Variants in HMSD observed in about 807,000 individuals in gnomAD.
HMSD encodes serpin-like protein HMSD.
A neutral mutation model predicts 10.0 loss-of-function variants in HMSD; 13 were observed. The ratio of observed to expected loss-of-function variants is 1.31; its 90% CI spans 0.85 to 2.08. The LOEUF (loss-of-function observed/expected upper bound fraction) is 2.08, where lower values mean the gene tolerates loss of function less well. Ranked by LOEUF, HMSD falls within the 30% of genes most tolerant of loss-of-function variation. The probability of loss-of-function intolerance (pLI) is 0.00; values close to 1 mark genes in which losing one functional copy is unlikely to be tolerated. For synonymous variants in HMSD, 51 were observed against 54.2 expected (o/e 0.94, Z 0.26); for missense variants, 169 against 166.3 (o/e 1.02, Z -0.09).
At chr18:63,955,400 C>G (rs535472757) in intron 3 of HMSD, among the ~76,000 whole-genome samples, 1 of 152,190 alleles carries the variant, frequency 6.6e-6, no homozygotes, top group East Asian at 1.9e-4. Flanking sequence ...TACTCTGGCC[C>G]ATTACAGACA....
chr18:63,963,465 G>A (rs1052705188), downstream of HMSD, among the ~76,000 whole-genome samples: 4 of 151,934 alleles, frequency 2.6e-5, no homozygotes, highest in South Asian at 2.1e-4. Flanking sequence ...TCCTGTCCTC[G>A]TGATCCACCA....
chr18:63,953,439 A>C lies in HMSD; in HGVS notation c.-17A>C. 1 of 1,610,148 alleles carries C rather than the reference A, an allele frequency of 6.2e-7. No homozygotes were observed. The highest frequency in any genetic ancestry group is 2.2e-5 in the East Asian group (1 of 44,846). Reference sequence around the variant, plus strand: ...AAAGCTAGGGGAAAACAACTCAAACAACTTATTTTTTTCCCCATGAGCATA... The same window carrying C: ...AAAGCTAGGGGAAAACAACTCAAACCACTTATTTTTTTCCCCATGAGCATA... On this transcript the variant is annotated 5_prime_UTR_variant, in exon 2 of 4. Coordinates refer to ENST00000408945, the MANE Select transcript of HMSD (RefSeq NM_001123366.2).
chr18:63,953,306 A>G, intron 1 of HMSD, 48 bp from the exon 2 acceptor site: 1 of 604,098 alleles, frequency 1.7e-6, no homozygotes, highest in South Asian at 1.9e-5. Flanking sequence ...GTAAATACAC[A>G]TGTAAGCCTA....
chr18:63,956,362 AC>A (rs370771707), intron 3 of HMSD, among the ~76,000 whole-genome samples: 23,828 of 146,194 alleles, frequency 0.16, 2,266 homozygotes, highest in Non-Finnish European at 0.22. Context: ...TAAAAAAAAA[AC>A]AAACTTAAAT....
At chr18:63,953,650 T>C (rs1026021132) in intron 2 of HMSD, 123 bp downstream of exon 2, 17 of 787,176 alleles carry the variant, frequency 2.2e-5, no homozygotes, top group Non-Finnish European at 3.4e-5. Flanking sequence ...TCTCACAGGA[T>C]GTGGATGGAG....
At chr18:63,963,071 CTCTTTCTT>C (rs58573319), downstream of HMSD, among the ~76,000 whole-genome samples, 19,630 of 102,810 alleles carry the variant, frequency 0.19, 2,047 homozygotes, top group South Asian at 0.23. Context: ...TCTTTTCTTT[CTCTTTCTT>C]TCTTTCTTTC....
chr18:63,954,463 A>T lies in HMSD; in HGVS notation c.128A>T (p.Gln43Leu), dbSNP rs891964366. 6.2e-7 allele frequency: 1 copy of T among 1,613,498 alleles called. No individual in the cohort carries two copies. Residue 43 changes from glutamine to leucine, a missense_variant, in exon 3 of 4, where the codon CAG becomes CTG. Coordinates refer to ENST00000408945, the MANE Select transcript of HMSD (RefSeq NM_001123366.2). ...GATGGAGATATTCATCGAGGTTTTC[A>T]GTCACTTCTTGTTGCAATTAACAGA... ...GEDGDIHRGF[Q>L]SLLVAINRTD...
At chr18:63,952,263 T>C (rs185658854) in intron 1 of HMSD, among the ~76,000 whole-genome samples, 1 of 149,784 alleles carries the variant, frequency 6.7e-6, no homozygotes, top group East Asian at 1.9e-4. Flanking sequence ...TGTGCACATG[T>C]ACCCTAAAAC....
At chr18:63,965,579 T>C (rs1433550673), downstream of HMSD, among the ~76,000 whole-genome samples, 1 of 152,198 alleles carries the variant, frequency 6.6e-6, no homozygotes, top group Non-Finnish European at 1.5e-5. Flanking sequence ...ATACCAGGCA[T>C]ATTAATGTAA....
At position 63,953,206 on chromosome 18, in the gene HMSD, T is replaced by TA. The variant is rs1250634907; in HGVS notation, c.-102-146dup. On this transcript the variant is annotated intron_variant, in intron 1 of 3. Coordinates refer to ENST00000408945, the MANE Select transcript of HMSD (RefSeq NM_001123366.2). ...CTTGTATGGATTAAATGACATCTTG[T>TA]AAGAAAAGCCCTAGTGTAGTTTTTG... 5 of 407,964 alleles carry TA rather than the reference T, an allele frequency of 1.2e-5. No individual in the cohort carries two copies. In the Admixed American group the frequency reaches 1.4e-4, roughly 11 times the overall value. The allele number at this position is 407,964 out of a possible 1,614,324, so 25.3% of individuals were successfully genotyped here.
chr18:63,963,109 CTTT>C (rs1568261361), downstream of HMSD, among the ~76,000 whole-genome samples: 2 of 132,902 alleles, frequency 1.5e-5, no homozygotes, highest in South Asian at 2.2e-4. Flanking sequence ...TTCTTTCTTT[CTTT>C]CTTTCTTTCT....
chr18:63,963,535 G>C (rs1450873982), downstream of HMSD, among the ~76,000 whole-genome samples: 1 of 152,156 alleles, frequency 6.6e-6, no homozygotes, highest in African/African-American at 2.4e-5. Flanking sequence ...GCCGGAAGTA[G>C]TTTGCTTTCT....
In HMSD at chr18:63,960,385, T is replaced by A. The variant is rs1029713254; in HGVS notation, c.*30T>A. The A allele has an allele frequency of 3.9e-6, 6 of 1,543,956 alleles. No homozygotes were observed. The African/African-American group carries it at 8.4e-5, about 22-fold the overall frequency. On this transcript the variant is annotated 3_prime_UTR_variant, in exon 4 of 4. Coordinates refer to ENST00000408945, the MANE Select transcript of HMSD (RefSeq NM_001123366.2). ...GAGTCCTTTTTTCTCTAAACAACTA[T>A]GCAAACATTAAAACCTTTCTTTGGA...
chr18:63,959,962 C>T (rs746842344), intron 3 of HMSD, among the ~76,000 whole-genome samples, 196 bp from the exon 4 acceptor site: 1 of 152,084 alleles, frequency 6.6e-6, no homozygotes, highest in Non-Finnish European at 1.5e-5. Flanking sequence ...CAGCCCACCG[C>T]GTTGCTTAGT....
At chr18:63,951,432 C>A (rs777207896) in intron 1 of HMSD, among the ~76,000 whole-genome samples, 1 of 152,052 alleles carries the variant, frequency 6.6e-6, no homozygotes. Context: ...ACTAAATAAA[C>A]CTGCACTCAC....
chr18:63,968,163 CCT>C (rs1162361943), intron 3 of HMSD: 2 of 152,322 alleles, frequency 1.3e-5, no homozygotes, highest in African/African-American at 2.4e-5. Flanking sequence ...ATTTCTCCTG[CCT>C]CTGTTTCATT....
chr18:63,953,474 T>G lies in HMSD; in HGVS notation c.19T>G (p.Leu7Val). ...TTTCCCCATGAGCATATCATCAGCC[T>G]TGGCCATGGTTTTCATGGGGGCAAA... The part of the protein sequence containing the change: MSISSA[L>V]AMVFMGAKGN... Residue 7 changes from leucine (L) to valine (V), a missense_variant, in exon 2 of 4, where the codon TTG (leucine) becomes GTG (valine). By Grantham distance (32) the Leu-to-Val change is conservative. Transcript: ENST00000408945. 6.2e-7 allele frequency: 1 copy of G among 1,614,010 alleles called. No individual in the cohort carries two copies.
downstream of HMSD, among the ~76,000 whole-genome samples, chr18:63,964,790 T>C (rs770172021): frequency 5.9e-5 from 9 of 152,126 alleles, no homozygotes; most frequent in African/African-American, 9.7e-5. Flanking sequence ...TTTACCCCAA[T>C]CAACTCCCAA....
At chr18:63,949,732 T>C (rs949553981) in intron 1 of HMSD, among the ~76,000 whole-genome samples, 1 of 152,134 alleles carries the variant, frequency 6.6e-6, no homozygotes, top group Non-Finnish European at 1.5e-5. Context: ...CAATGAGGCC[T>C]CCCACCCTGG....
Sources: allele counts gnomAD v4.1 joint callset (sites outside exome capture counted in the v4.1 genomes callset), GRCh38; gene constraint gnomAD v4.1.1; transcripts MANE v1.5; gene names NCBI Gene and HGNC (gene_info 2026-07-23, HGNC 2026-07-21).